ARHGAP17: variants seen among roughly 807,000 people sequenced by gnomAD.
The protein encoded by ARHGAP17 is rho GTPase-activating protein 17.
In ARHGAP17, 57 loss-of-function variants were observed where a neutral mutation model predicts 99.5. The ratio of observed to expected loss-of-function variants is 0.57; its 90% confidence interval spans 0.46 to 0.71. The LOEUF is 0.71. Among genes scored for constraint, ARHGAP17 ranks in the 30% least tolerant of loss-of-function variants. The probability of loss-of-function intolerance (pLI) is 0.00; values close to 1 mark genes in which losing one functional copy is unlikely to be tolerated. For synonymous variants in ARHGAP17, 417 were observed against 429.6 expected, an observed-to-expected ratio of 0.97 and a Z score of 0.36; for missense variants, 1,000 against 1,122.4, an observed-to-expected ratio of 0.89 and a Z score of 1.56.
intron 7 of ARHGAP17, among the ~76,000 whole-genome samples, chr16:24,962,316 A>G (rs1367450829): frequency 6.6e-6 from 1 of 152,222 alleles, no homozygotes; most frequent in East Asian, 1.9e-4. Context: ...AAGTACACAT[A>G]TATCATGCAT....
In ARHGAP17 at chr16:24,977,339, AG is replaced by A. The variant is rs1381392639; in HGVS notation, c.94-21del. ...CTCAATCTGACAAGGCAGAGACAAAAGAGAACAAATTCATCCTCTTTCTTTT... is the reference window on the plus strand; with the variant it reads ...CTCAATCTGACAAGGCAGAGACAAAAAGAACAAATTCATCCTCTTTCTTTT... On this transcript the variant is annotated intron_variant, in intron 2 of 19. Coordinates refer to ENST00000289968, the MANE Select transcript of ARHGAP17 (RefSeq NM_001006634.3). The A allele has an allele frequency of 6.4e-7, 1 of 1,557,116 alleles. No homozygotes were observed. Among genetic ancestry groups the A allele is most frequent in the East Asian group, 2.3e-5 (1 of 43,586 alleles).
chr16:24,954,176 C>A (rs1436767559), intron 10 of ARHGAP17, among the ~76,000 whole-genome samples: 1 of 152,012 alleles, frequency 6.6e-6, no homozygotes, highest in Non-Finnish European at 1.5e-5. Context: ...GGGTAAGAAT[C>A]CTGTAAAATT....
At chr16:24,977,173 G>T in intron 3 of ARHGAP17, 42 bp downstream of exon 3, 1 of 1,472,008 alleles carries the variant, frequency 6.8e-7, no homozygotes, top group Non-Finnish European at 9.1e-7. Context: ...AAGCCTCAGA[G>T]AGACGCAGGA....
Position 24,977,300 on chromosome 16 carries a change from G to A in ARHGAP17, c.113C>T (p.Thr38Met), listed in dbSNP as rs764535300. ...GGAATGGTGGCATATTGACCGCACC[G>A]TGTCCAGGCGTCTCTCAATCTGACA... ...DLLQIERRLDTVRSICHHSHK... is the reference protein window; with the variant it reads ...DLLQIERRLDMVRSICHHSHK... The change falls in exon 3 of 20, where the codon ACG (threonine) becomes ATG (methionine). Residue 38 changes from threonine to methionine, a missense_variant. Physicochemically the swap from Thr to Met is moderately conservative, Grantham distance 81 (BLOSUM62 -1). This residue lies in a region of ARHGAP17 where 472 missense variants were observed against 611.1 expected (regional missense o/e 0.77). Coordinates refer to ENST00000289968, the MANE Select transcript of ARHGAP17 (RefSeq NM_001006634.3). The A allele has an allele frequency of 7.4e-5, 117 of 1,587,122 alleles. 1 individual carries two copies. Among genetic ancestry groups the A allele is most frequent in the Middle Eastern group, 1.7e-4 (1 of 6,002 alleles).
At chr16:24,924,611 C>G (rs1320464759) in intron 19 of ARHGAP17, among the ~76,000 whole-genome samples, 1 of 151,928 alleles carries the variant, frequency 6.6e-6, no homozygotes, top group East Asian at 1.9e-4. Flanking sequence ...GCCTGTAATC[C>G]CAGCACTTTG....
At chr16:24,943,361 C>T (rs971935147) in intron 15 of ARHGAP17, among the ~76,000 whole-genome samples, 1 of 152,204 alleles carries the variant, frequency 6.6e-6, no homozygotes, top group Admixed American at 6.5e-5. Context: ...CTTCTAAAAA[C>T]CAATCCCTGG....
At chr16:25,012,838 G>C (rs2053677135) in intron 1 of ARHGAP17, among the ~76,000 whole-genome samples, 2 of 152,120 alleles carry the variant, frequency 1.3e-5, no homozygotes, top group African/African-American at 4.8e-5. Context: ...GACAGTCAAA[G>C]GTCAGGCCCA....
chr16:24,996,787 C>T (rs1370183943), intron 1 of ARHGAP17, among the ~76,000 whole-genome samples: 1 of 151,938 alleles, frequency 6.6e-6, no homozygotes, highest in Non-Finnish European at 1.5e-5. Flanking sequence ...GTGCTGATTC[C>T]TAGAAAGCTC....
intron 3 of ARHGAP17, among the ~76,000 whole-genome samples, chr16:24,975,476 A>G (rs1240410719): frequency 6.6e-6 from 1 of 152,188 alleles, no homozygotes; most frequent in Non-Finnish European, 1.5e-5. Context: ...AGCTCCAGGA[A>G]GCAGAACCAG....
intron 7 of ARHGAP17, among the ~76,000 whole-genome samples, 153 bp downstream of exon 7, chr16:24,964,044 A>G (rs564160966): frequency 6.6e-6 from 1 of 152,340 alleles, no homozygotes; most frequent in Admixed American, 6.5e-5. Flanking sequence ...ATAAAATAAT[A>G]TAGTCTTAGA....
intron 2 of ARHGAP17, among the ~76,000 whole-genome samples, chr16:24,978,128 A>C (rs886882905): frequency 2.6e-5 from 4 of 152,184 alleles, no homozygotes; most frequent in Non-Finnish European, 5.9e-5. Context: ...TCTTGCAATG[A>C]CCAGATTTTC....
intron 7 of ARHGAP17, among the ~76,000 whole-genome samples, chr16:24,961,634 G>T (rs181985282): frequency 6.9e-6 from 1 of 145,916 alleles, no homozygotes; most frequent in Admixed American, 7.0e-5. Flanking sequence ...GGGTTCAAGC[G>T]ATTCTCCTGC....
intron 1 of ARHGAP17, among the ~76,000 whole-genome samples, chr16:25,011,283 G>A (rs2053636490): frequency 6.6e-6 from 1 of 152,134 alleles, no homozygotes; most frequent in South Asian, 2.1e-4. Context: ...CTGGGGAAAG[G>A]CATGTGACCC....
At chr16:24,923,210 T>A (rs1043368557) in intron 19 of ARHGAP17, among the ~76,000 whole-genome samples, 2 of 152,086 alleles carry the variant, frequency 1.3e-5, no homozygotes, top group Non-Finnish European at 2.9e-5. Flanking sequence ...TTTTCCCTCC[T>A]CCCCAGAGGA....
At chr16:24,995,557 T>C (rs1485715210) in intron 1 of ARHGAP17, among the ~76,000 whole-genome samples, 3 of 152,204 alleles carry the variant, frequency 2.0e-5, no homozygotes. Flanking sequence ...AGCAAACTTA[T>C]TTGCTGAATA....
At chr16:24,990,460 T>C (rs1597464790) in intron 1 of ARHGAP17, among the ~76,000 whole-genome samples, 1 of 151,422 alleles carries the variant, frequency 6.6e-6, no homozygotes, top group Non-Finnish European at 1.5e-5. Flanking sequence ...CACTCCAGTC[T>C]GGGCATCAAA....
intron 18 of ARHGAP17, among the ~76,000 whole-genome samples, 173 bp from the exon 19 acceptor site, chr16:24,931,577 C>T (rs560877432): frequency 6.3e-4 from 96 of 152,210 alleles, no homozygotes; most frequent in African/African-American, 2.2e-3. Flanking sequence ...AAGCCCATAA[C>T]CCATCAGAAG....
intron 1 of ARHGAP17, among the ~76,000 whole-genome samples, chr16:24,988,336 T>C (rs372920994): frequency 8.2e-4 from 125 of 152,292 alleles, no homozygotes; most frequent in African/African-American, 2.6e-3. Context: ...AGGGATGTTA[T>C]TGGGAAAAAA....
At chr16:24,931,548 C>T (rs1419072878) in intron 18 of ARHGAP17, 144 bp from the exon 19 acceptor site, 3 of 769,838 alleles carry the variant, frequency 3.9e-6, no homozygotes, top group African/African-American at 1.8e-5. Context: ...GAGGGCACCA[C>T]ACTGTGTCTT....
Sources: gnomAD v4.1 joint callset for allele counts (sites outside exome capture counted in the v4.1 genomes callset) on GRCh38, gnomAD v4.1.1 for gene constraint, gnomAD v4.1.1 regional missense constraint, MANE v1.5 for transcripts, NCBI Gene and HGNC (gene_info 2026-07-23, HGNC 2026-07-21) for gene names.